Variants in PRKDC observed in about 807,000 individuals in gnomAD.
The protein encoded by PRKDC is DNA-dependent protein kinase catalytic subunit.
A neutral mutation model predicts 486.9 loss-of-function variants in PRKDC; 82 were observed. The observed-to-expected ratio is 0.17, with a 90% CI of 0.14 to 0.20. The LOEUF (loss-of-function observed/expected upper bound fraction) is 0.20, where lower values mean the gene tolerates loss of function less well. Ranked by LOEUF, PRKDC falls within the 10% of genes least tolerant of loss-of-function variation. PRKDC has a pLI of 1.00. For synonymous variants in PRKDC, 1,895 were observed against 1,837.0 expected (o/e 1.03, Z -0.81); for missense variants, 4,504 against 5,038.2 (o/e 0.89, Z 3.21).
intron 7 of PRKDC, among the ~76,000 whole-genome samples, chr8:47,945,835 T>A (rs1273109894): frequency 6.6e-6 from 1 of 152,042 alleles, no homozygotes; most frequent in Admixed American, 6.5e-5. Flanking sequence ...TATTCTCCTG[T>A]CTCAGCCTCC....
In PRKDC at chr8:47,881,884, AT is replaced by A. The variant is rs766912707; in HGVS notation, c.4962+27del. On this transcript the variant is annotated intron_variant, in intron 37 of 85. Transcript: ENST00000314191. The stretch of plus-strand genomic sequence containing the variant: ...AGTTACAGAGTTCAGAAGAATAAAC[AT>A]GACTGCTTTTTAAAGGAATTGAATA... The A allele has an allele frequency of 8.3e-6, 13 of 1,567,202 alleles. No individual in the cohort carries two copies. The Admixed American group carries it at 2.4e-4, about 28-fold the overall frequency.
intron 21 of PRKDC, among the ~76,000 whole-genome samples, chr8:47,922,705 C>T (rs1285672880): frequency 6.6e-6 from 1 of 152,072 alleles, no homozygotes. Context: ...TAGGACTGAC[C>T]CCATAAATCT....
intron 65 of PRKDC, 70 bp downstream of exon 65, chr8:47,821,534 A>C (rs762688010): frequency 2.0e-6 from 3 of 1,467,320 alleles, no homozygotes; most frequent in Non-Finnish European, 2.8e-6. Context: ...AAATGTTTTA[A>C]ACAATTTTGT....
intron 59 of PRKDC, 64 bp downstream of exon 59, chr8:47,834,132 G>A: frequency 1.3e-6 from 2 of 1,579,904 alleles, no homozygotes; most frequent in East Asian, 2.2e-5. Flanking sequence ...AATGTCCCCA[G>A]ACCTGAGCTC....
At chr8:47,813,856 A>G (rs1468364429) in intron 68 of PRKDC, among the ~76,000 whole-genome samples, 1 of 152,196 alleles carries the variant, frequency 6.6e-6, no homozygotes, top group Non-Finnish European at 1.5e-5. Flanking sequence ...TTAGAGGCAT[A>G]AGCCACCACG....
chr8:47,784,863 C>G lies in PRKDC; in HGVS notation c.11107+250G>C, dbSNP rs8178238. On this transcript the variant is annotated intron_variant, in intron 77 of 85. Transcript: ENST00000314191. ...CTATGATTGCTGTTTACCATTATTA[C>G]CAAATGAAAATCTGAACTTTTGTCA... Among the ~76,000 whole-genome samples, 5,322 of 152,094 alleles carry G rather than the reference C, an allele frequency of 0.035. 127 individuals are homozygous for G. Among genetic ancestry groups the G allele is most frequent in the Middle Eastern group, 0.068 (20 of 294 alleles).
rs887754558 is a variant in PRKDC at position 47,885,976 on chromosome 8, G to A, written c.4744C>T (p.Leu1582Phe). The change falls in exon 36 of 86, where the codon CTC (leucine) becomes TTC (phenylalanine). Residue 1582 changes from leucine (L) to phenylalanine (F), a missense_variant. Around this residue, in one of 6 missense-constraint regions of PRKDC, gnomAD observed 1,969 missense variants for 2,068.9 expected, o/e 0.95. Coordinates refer to ENST00000314191, the MANE Select transcript of PRKDC (RefSeq NM_006904.7). Reference protein sequence around the residue: ...LKNLDLAVLELMQSSVDNTKM... With the variant: ...LKNLDLAVLEFMQSSVDNTKM... ...GTATTATCCACTGAAGACTGCATGAGCTCCAATACAGCAAGATCCAGATTT... is the reference window on the plus strand; with the variant it reads ...GTATTATCCACTGAAGACTGCATGAACTCCAATACAGCAAGATCCAGATTT... The A allele has an allele frequency of 1.9e-6, 3 of 1,613,726 alleles. No individual in the cohort carries two copies. In the African/African-American group the frequency reaches 4.0e-5, roughly 22 times the overall value.
At chr8:47,786,513 T>C (rs1469542252) in intron 76 of PRKDC, among the ~76,000 whole-genome samples, 1 of 152,114 alleles carries the variant, frequency 6.6e-6, no homozygotes, top group Non-Finnish European at 1.5e-5. Flanking sequence ...GTGCACTCAT[T>C]GTCTAGTTAG....
intron 58 of PRKDC, among the ~76,000 whole-genome samples, chr8:47,835,860 TC>T (rs2088010037): frequency 2.0e-5 from 3 of 151,706 alleles, no homozygotes. Context: ...ACTTCTGGGC[TC>T]GAGCCATTCC....
chr8:47,863,318 C>T, intron 42 of PRKDC, 81 bp downstream of exon 42: 1 of 1,147,162 alleles, frequency 8.7e-7, no homozygotes, highest in Non-Finnish European at 1.2e-6. Flanking sequence ...AATATTTATT[C>T]ACACTATATA....
chr8:47,890,911 A>G (rs1176096909), intron 31 of PRKDC, among the ~76,000 whole-genome samples: 1 of 152,224 alleles, frequency 6.6e-6, no homozygotes, highest in African/African-American at 2.4e-5. Flanking sequence ...TGTTATCAAT[A>G]ATGAATGTTA....
rs1366655507 is a variant in PRKDC, at chr8:47,807,316, G to A, written c.9568C>T (p.Leu3190Phe). 6.4e-7 allele frequency: 1 copy of A among 1,552,722 alleles called. No individual in the cohort carries two copies. Among genetic ancestry groups the A allele is most frequent in the Non-Finnish European group, 8.7e-7 (1 of 1,146,768 alleles). ...DDIITNRCFF[L>F]SKIEEKLTPL... is the part of the protein sequence containing the mutation. ...GTAAGCTTCTCCTCTATTTTGCTGA[G>A]AAAGAAACATCTACACAAAGAAAAA... Residue 3190 changes from leucine (L) to phenylalanine (F), a missense_variant, in exon 69 of 86, where the codon CTC becomes TTC. Around this residue, in one of 6 missense-constraint regions of PRKDC, gnomAD observed 1,592 missense variants for 1,724.6 expected, o/e 0.92. Transcript: ENST00000314191.
At chr8:47,863,763 A>C (rs2088733880) in intron 41 of PRKDC, among the ~76,000 whole-genome samples, 186 bp from the exon 42 acceptor site, 1 of 152,252 alleles carries the variant, frequency 6.6e-6, no homozygotes, top group Admixed American at 6.5e-5. Context: ...AAGCATTGAT[A>C]TGTTACACTG....
intron 35 of PRKDC, among the ~76,000 whole-genome samples, 178 bp downstream of exon 35, chr8:47,887,369 C>CT (rs898786629): frequency 1.8e-4 from 26 of 147,366 alleles, no homozygotes; most frequent in African/African-American, 2.5e-4. Context: ...CTATTCCGTT[C>CT]TTTTTTTTTT....
chr8:47,945,567 C>T (rs2090519594), intron 7 of PRKDC, among the ~76,000 whole-genome samples: 1 of 152,148 alleles, frequency 6.6e-6, no homozygotes, highest in East Asian at 1.9e-4. Flanking sequence ...CATGCTGCAG[C>T]ATGTGTCAGA....
At chr8:47,866,938 A>G (rs542342874) in intron 40 of PRKDC, among the ~76,000 whole-genome samples, 1 of 152,264 alleles carries the variant, frequency 6.6e-6, no homozygotes, top group South Asian at 2.1e-4. Context: ...GGGTTCTGCT[A>G]CGTTGCTCAG....
intron 80 of PRKDC, among the ~76,000 whole-genome samples, 192 bp downstream of exon 80, chr8:47,781,970 T>C (rs959355320): frequency 6.6e-6 from 1 of 152,264 alleles, no homozygotes; most frequent in Non-Finnish European, 1.5e-5. Flanking sequence ...AGTTAATAAA[T>C]ATTTTGTATT....
At chr8:47,856,662 G>A (rs1020423575) in intron 49 of PRKDC, among the ~76,000 whole-genome samples, 2 of 152,198 alleles carry the variant, frequency 1.3e-5, no homozygotes, top group African/African-American at 4.8e-5. Flanking sequence ...GTCTACACTG[G>A]TGGGTACTGC....
intron 40 of PRKDC, among the ~76,000 whole-genome samples, chr8:47,871,334 A>T (rs2088948853): frequency 6.6e-6 from 1 of 152,158 alleles, no homozygotes; most frequent in Non-Finnish European, 1.5e-5. Flanking sequence ...ATCCCAAGAG[A>T]AGCAAGGGGA....
Sources: gnomAD v4.1 joint callset for allele counts (sites outside exome capture counted in the v4.1 genomes callset) on GRCh38, gnomAD v4.1.1 for gene constraint, gnomAD v4.1.1 regional missense constraint, MANE v1.5 for transcripts, NCBI Gene and HGNC (gene_info 2026-07-23, HGNC 2026-07-21) for gene names.